GCM1: variants seen among roughly 807,000 people sequenced by gnomAD.
The protein encoded by GCM1 is chorion-specific transcription factor GCMa.
A neutral mutation model predicts 25.7 loss-of-function variants in GCM1; 2 were observed. The ratio of observed to expected loss-of-function variants is 0.08; its 90% confidence interval spans 0.03 to 0.24. GCM1 has a LOEUF of 0.24. Ranked by LOEUF, GCM1 falls within the 10% of genes least tolerant of loss-of-function variation. GCM1 has a pLI of 1.00. For missense variants in GCM1, 395 were observed against 538.7 expected (o/e 0.73, Z 2.64); for synonymous variants, 183 against 195.7 (o/e 0.94, Z 0.54).
At chr6:53,148,629 A>AG (rs1763999128) in intron 1 of GCM1, 125 bp downstream of exon 1, 1 of 152,222 alleles carries the variant, frequency 6.6e-6, no homozygotes, top group Non-Finnish European at 1.5e-5. Flanking sequence ...ACTTGCGCAA[A>AG]GTATATTCAA....
chr6:53,133,963 T>C, intron 3 of GCM1, 109 bp downstream of exon 3: 1 of 1,101,470 alleles, frequency 9.1e-7, no homozygotes, highest in Non-Finnish European at 1.3e-6. Context: ...GCCACTACAC[T>C]CCAGGGTGAT....
Position 53,128,441 on chromosome 6 carries a change from G to T in GCM1, c.1076C>A (p.Pro359Gln). Residue 359 changes from proline (P) to glutamine (Q), a missense_variant, in exon 6 of 6, where the codon CCA (proline) becomes CAA (glutamine). By Grantham distance (76) the Pro-to-Gln change is moderately conservative (BLOSUM62 -1). This residue lies in a region of GCM1 where 291 missense variants were observed against 314.6 expected (regional missense o/e 0.92). Transcript: ENST00000259803. Reference sequence around the variant, plus strand: ...TTTCTCTTCATAAAGATTACCCGCTGGATTTGGCCATAATGGGGGACAGCC... The same window carrying T: ...TTTCTCTTCATAAAGATTACCCGCTTGATTTGGCCATAATGGGGGACAGCC... The part of the protein sequence containing the change: ...KTGCPPLWPN[P>Q]AGNLYEEKVH... 6.2e-7 allele frequency: 1 copy of T among 1,614,080 alleles called. No individual in the cohort carries two copies. The highest frequency in any genetic ancestry group is 8.5e-7 in the Non-Finnish European group (1 of 1,179,952).
In GCM1 at chr6:53,134,062, C is replaced by T. The variant is rs762534805; in HGVS notation, c.328+10G>A. 36 of 1,612,506 alleles carry T rather than the reference C, an allele frequency of 2.2e-5. No individual in the cohort carries two copies. Among genetic ancestry groups the T allele is most frequent in the Admixed American group, 3.3e-5 (2 of 59,958 alleles). ...CAGCTTTTTTGCTGGTGCCACTAAG[C>T]TCTACTCACGCTGCTGCTTCTGCCG... On this transcript the variant is annotated intron_variant, in intron 3 of 5. Coordinates refer to ENST00000259803, the MANE Select transcript of GCM1 (RefSeq NM_003643.4).
At chr6:53,139,832 G>T (rs900739186) in intron 2 of GCM1, among the ~76,000 whole-genome samples, 1 of 152,098 alleles carries the variant, frequency 6.6e-6, no homozygotes, top group Non-Finnish European at 1.5e-5. Flanking sequence ...TTGCACTCCA[G>T]CCTGGGCGAC....
chr6:53,133,088 G>A (rs962895252), intron 3 of GCM1, among the ~76,000 whole-genome samples: 2 of 152,216 alleles, frequency 1.3e-5, no homozygotes, highest in African/African-American at 4.8e-5. Flanking sequence ...CCCACAAGAA[G>A]TCCAGTGGCA....
At chr6:53,137,845 C>A (rs893794319) in intron 2 of GCM1, among the ~76,000 whole-genome samples, 2 of 152,096 alleles carry the variant, frequency 1.3e-5, no homozygotes, top group Non-Finnish European at 2.9e-5. Flanking sequence ...CCAGAAGGAG[C>A]GGAATGTATT....
intron 2 of GCM1, among the ~76,000 whole-genome samples, chr6:53,139,959 G>A (rs2518580): frequency 0.34 from 52,262 of 152,018 alleles, 11,140 homozygotes; most frequent in South Asian, 0.52. Context: ...TTCAAACCCC[G>A]TCTGTCTTCT....
chr6:53,142,161 G>A (rs1191992631), intron 2 of GCM1, among the ~76,000 whole-genome samples: 1 of 151,718 alleles, frequency 6.6e-6, no homozygotes, highest in East Asian at 1.9e-4. Flanking sequence ...AATAATTCTG[G>A]CAAGAATATA....
At chr6:53,139,829 C>T (rs1763849845) in intron 2 of GCM1, among the ~76,000 whole-genome samples, 1 of 152,008 alleles carries the variant, frequency 6.6e-6, no homozygotes, top group Admixed American at 6.6e-5. Flanking sequence ...CCATTGCACT[C>T]CAGCCTGGGC....
intron 1 of GCM1, among the ~76,000 whole-genome samples, chr6:53,147,433 T>A (rs868053473): frequency 0.11 from 16,623 of 148,142 alleles, 2,179 homozygotes; most frequent in African/African-American, 0.32. Flanking sequence ...TTGTTTTTTT[T>A]TTTTTTTTTT....
At position 53,135,795 on chromosome 6, in the gene GCM1, A is replaced by AT. The variant is rs566875111; in HGVS notation, c.76-1472dup. 8.2e-4 allele frequency among the ~76,000 whole-genome samples: 125 copies of AT among 152,326 alleles called. 1 individual carries two copies. The highest frequency in any genetic ancestry group is 1.2e-3 in the Non-Finnish European group (79 of 68,024). On this transcript the variant is annotated intron_variant, in intron 2 of 5. Coordinates refer to ENST00000259803, the MANE Select transcript of GCM1 (RefSeq NM_003643.4). ...CCAACCAGAAAGCACAGCCCACAACATAAAAAAAAGACAAATTTTAGAAGA... is the reference window on the plus strand; with the variant it reads ...CCAACCAGAAAGCACAGCCCACAACATTAAAAAAAAGACAAATTTTAGAAGA...
chr6:53,130,455 A>G (rs1361706005), intron 5 of GCM1, among the ~76,000 whole-genome samples: 1 of 152,164 alleles, frequency 6.6e-6, no homozygotes, highest in Non-Finnish European at 1.5e-5. Flanking sequence ...GGGAGGGGGC[A>G]GGCGGTGAAA....
At chr6:53,129,026 G>T (rs892171993) in intron 5 of GCM1, 80 bp from the exon 6 acceptor site, 1 of 1,065,850 alleles carries the variant, frequency 9.4e-7, no homozygotes, top group African/African-American at 1.6e-5. Flanking sequence ...GAGTTACTCT[G>T]TACAAATAAG....
intron 2 of GCM1, among the ~76,000 whole-genome samples, chr6:53,141,565 T>A (rs1238620136): frequency 6.6e-6 from 1 of 151,938 alleles, no homozygotes; most frequent in East Asian, 1.9e-4. Flanking sequence ...CAGGTGCAAG[T>A]AGTCCCAGCT....
intron 2 of GCM1, among the ~76,000 whole-genome samples, chr6:53,139,010 ATC>A (rs1472260251): frequency 6.6e-6 from 1 of 152,226 alleles, no homozygotes; most frequent in Non-Finnish European, 1.5e-5. Context: ...TATCAAAAAT[ATC>A]TACATTATCA....
At chr6:53,129,903 G>T (rs1763700773) in intron 5 of GCM1, among the ~76,000 whole-genome samples, 1 of 152,064 alleles carries the variant, frequency 6.6e-6, no homozygotes, top group Non-Finnish European at 1.5e-5. Flanking sequence ...GTTAAAAAAA[G>T]GATCTGGTTG....
At chr6:53,137,343 C>T (rs570993254) in intron 2 of GCM1, among the ~76,000 whole-genome samples, 2 of 152,340 alleles carry the variant, frequency 1.3e-5, no homozygotes, top group Non-Finnish European at 2.9e-5. Flanking sequence ...GCCTCCTGCT[C>T]TCTCCACCCA....
chr6:53,140,075 G>A (rs944923277), intron 2 of GCM1, among the ~76,000 whole-genome samples: 5 of 152,066 alleles, frequency 3.3e-5, no homozygotes, highest in Non-Finnish European at 7.4e-5. Context: ...AGCACAGAGT[G>A]GCAGAAGAAT....
Position 53,126,981 on chromosome 6 carries a change from T to G in GCM1, c.*1225A>C, listed in dbSNP as rs1207785908. The G allele has an allele frequency of 1.3e-5, 2 of 152,190 alleles. No homozygotes were observed. The highest frequency in any genetic ancestry group is 4.8e-5 in the African/African-American group (2 of 41,446). The allele number at this position is 152,190 out of a possible 1,614,324, so 9.4% of individuals were successfully genotyped here. A position where few individuals can be genotyped will look rare whatever the true frequency, so the allele number is the denominator to read the frequency against. ...AATAATTTATTTCAAAAATACTTGTTTATTGCATGGTTCTCTCCAGATTTT... is the reference window on the plus strand; with the variant it reads ...AATAATTTATTTCAAAAATACTTGTGTATTGCATGGTTCTCTCCAGATTTT... On this transcript the variant is annotated 3_prime_UTR_variant, in exon 6 of 6. Transcript: ENST00000259803.
Sources: gnomAD v4.1 joint callset for allele counts (sites outside exome capture counted in the v4.1 genomes callset) on GRCh38, gnomAD v4.1.1 for gene constraint, gnomAD v4.1.1 regional missense constraint, MANE v1.5 for transcripts, NCBI Gene and HGNC (gene_info 2026-07-23, HGNC 2026-07-21) for gene names.